ATP8B4: variants seen among roughly 807,000 people sequenced by gnomAD.
The protein encoded by ATP8B4 is probable phospholipid-transporting ATPase IM.
ATP8B4 carries 133 observed loss-of-function variants against 145.6 expected under a neutral mutation model. The observed-to-expected ratio is 0.91, with a 90% CI of 0.79 to 1.05. The LOEUF (loss-of-function observed/expected upper bound fraction) is 1.05, where lower values mean the gene tolerates loss of function less well. Among genes scored for constraint, ATP8B4 ranks in the 50% least tolerant of loss-of-function variants. The probability of loss-of-function intolerance (pLI) is 0.00; values close to 1 mark genes in which losing one functional copy is unlikely to be tolerated. For missense variants in ATP8B4, 1,458 were observed against 1,425.2 expected, an observed-to-expected ratio of 1.02 and a Z score of -0.37; for synonymous variants, 507 against 492.9, an observed-to-expected ratio of 1.03 and a Z score of -0.38.
At chr15:50,152,934 T>G (rs1225492676) in intron 1 of ATP8B4, among the ~76,000 whole-genome samples, 5 of 152,252 alleles carry the variant, frequency 3.3e-5, no homozygotes, top group Non-Finnish European at 5.9e-5. Flanking sequence ...TGTGATTGCT[T>G]CTTCTTCTGG....
intron 6 of ATP8B4, among the ~76,000 whole-genome samples, chr15:50,021,412 C>T (rs1370218006): frequency 6.6e-6 from 1 of 152,196 alleles, no homozygotes; most frequent in Non-Finnish European, 1.5e-5. Context: ...ATCACTACCT[C>T]TAGGAATTGG....
chr15:49,901,720 A>G, intron 20 of ATP8B4: 1 of 374,962 alleles, frequency 2.7e-6, no homozygotes, highest in Non-Finnish European at 5.1e-6. Context: ...GATCCAGCTT[A>G]AAATAGTCCT....
intron 2 of ATP8B4, among the ~76,000 whole-genome samples, chr15:50,083,756 C>G (rs1286353137): frequency 6.6e-6 from 1 of 152,190 alleles, no homozygotes; most frequent in Non-Finnish European, 1.5e-5. Flanking sequence ...TGCATCTCAG[C>G]TCCCTGAATC....
chr15:49,921,975 T>G (rs2153456120), intron 17 of ATP8B4, among the ~76,000 whole-genome samples: 1 of 152,326 alleles, frequency 6.6e-6, no homozygotes, highest in Middle Eastern at 3.4e-3. Flanking sequence ...GCATTACCAC[T>G]GCCTTCCTCT....
Position 49,897,373 on chromosome 15 carries a change from G to T in ATP8B4, c.2616C>A (p.Phe872Leu), listed in dbSNP as rs1427862685. 3.7e-6 allele frequency: 6 copies of T among 1,613,928 alleles called. No homozygotes were observed. Among genetic ancestry groups the T allele is most frequent in the Non-Finnish European group, 4.2e-6 (5 of 1,179,874 alleles). ...AATTCTTATAGAAGAAATAGCATAA[G>T]AATTTGCACATTCGGAAATAAGACC... ...GRWSYFRMCK[F>L]LCYFFYKNFA... The change falls in exon 23 of 28, where the codon TTC becomes TTA. Residue 872 changes from phenylalanine (F) to leucine (L), a missense_variant. By Grantham distance (22) the Phe-to-Leu change is conservative. Coordinates refer to ENST00000284509, the MANE Select transcript of ATP8B4 (RefSeq NM_024837.4).
At chr15:49,990,322 G>C (rs2046953452) in intron 9 of ATP8B4, among the ~76,000 whole-genome samples, 1 of 152,178 alleles carries the variant, frequency 6.6e-6, no homozygotes, top group East Asian at 1.9e-4. Flanking sequence ...TGAGGAAACA[G>C]TTAAGGAAAA....
At chr15:50,159,902 T>C (rs982327819) in intron 1 of ATP8B4, among the ~76,000 whole-genome samples, 2 of 151,946 alleles carry the variant, frequency 1.3e-5, no homozygotes, top group Non-Finnish European at 2.9e-5. Context: ...ATTACTGGCC[T>C]CCTAGAATGA....
chr15:49,862,337 GC>G lies in ATP8B4; in HGVS notation c.3204del (p.Trp1068CysfsTer3), dbSNP rs1199469028. ...GCCACTGTTGTTAAGAGAATTACAA[GC>G]CAGATGCACTTCTGGGTCAGGGAAT... ...ARHSLTQKCI[W>X]LVILLTTVAS... On this transcript the variant is annotated frameshift_variant, in exon 27 of 28. Coordinates refer to ENST00000284509, the MANE Select transcript of ATP8B4 (RefSeq NM_024837.4). LOFTEE classifies it high-confidence loss of function. 2.5e-6 allele frequency: 4 copies of G among 1,613,632 alleles called. No homozygotes were observed. Among genetic ancestry groups the G allele is most frequent in the Non-Finnish European group, 3.4e-6 (4 of 1,179,726 alleles).
At chr15:49,974,459 G>A (rs1287212146) in intron 12 of ATP8B4, among the ~76,000 whole-genome samples, 1 of 150,622 alleles carries the variant, frequency 6.6e-6, no homozygotes. Context: ...AAATTCCTGA[G>A]CTCAAGCGAT....
At chr15:50,156,574 AG>A (rs2044423767) in intron 1 of ATP8B4, among the ~76,000 whole-genome samples, 2 of 152,180 alleles carry the variant, frequency 1.3e-5, no homozygotes, top group Admixed American at 6.5e-5. Flanking sequence ...AGCAGATTCA[AG>A]GTAGGCAAAA....
intron 1 of ATP8B4, among the ~76,000 whole-genome samples, chr15:50,161,361 A>T (rs1276884696): frequency 6.6e-6 from 1 of 151,982 alleles, no homozygotes; most frequent in Non-Finnish European, 1.5e-5. Flanking sequence ...TAGTCCATTT[A>T]TATTCAATGT....
intron 14 of ATP8B4, among the ~76,000 whole-genome samples, chr15:49,959,103 T>A (rs1036584861): frequency 2.6e-5 from 4 of 151,930 alleles, no homozygotes; most frequent in African/African-American, 9.7e-5. Flanking sequence ...AGTAGCATAT[T>A]AAAAAACAGT....
At chr15:49,898,312 C>G in intron 21 of ATP8B4, 61 bp from the exon 22 acceptor site, 1 of 1,502,818 alleles carries the variant, frequency 6.7e-7, no homozygotes, top group Non-Finnish European at 9.1e-7. Flanking sequence ...GGTTGAGAAA[C>G]AAGACAAATG....
At position 49,987,425 on chromosome 15, in the gene ATP8B4, A is replaced by G; in HGVS notation, c.714T>C (p.Asn238=). 1 of 1,613,834 alleles carries G rather than the reference A, an allele frequency of 6.2e-7. No homozygotes were observed. The highest frequency in any genetic ancestry group is 8.5e-7 in the Non-Finnish European group (1 of 1,179,794). Residue 238 remains asparagine, a synonymous_variant, in exon 10 of 28, where the codon AAT becomes AAC. Coordinates refer to ENST00000284509, the MANE Select transcript of ATP8B4 (RefSeq NM_024837.4). ...TAACCATTCCAAAACACCAGCTGGT[A>G]TTTCTCAGGATGCAGCCTCTCAGGA... is the stretch of plus-strand genomic sequence containing the variant. ...KIILRGCILR[N]TSWCFGMVIF... is the part of the protein sequence containing the mutation.
At chr15:50,024,032 T>A (rs1467032576) in intron 6 of ATP8B4, among the ~76,000 whole-genome samples, 1 of 152,132 alleles carries the variant, frequency 6.6e-6, no homozygotes, top group East Asian at 1.9e-4. Flanking sequence ...TTTAAAAATA[T>A]TAACATATTA....
chr15:49,974,396 C>CT (rs2045482614), intron 12 of ATP8B4, among the ~76,000 whole-genome samples: 1 of 107,160 alleles, frequency 9.3e-6, no homozygotes, highest in Non-Finnish European at 1.7e-5. Context: ...AGCCACTTGT[C>CT]CTTTTTTTTT....
At chr15:49,883,122 G>A (rs2035679200) in intron 23 of ATP8B4, 1 of 151,066 alleles carries the variant, frequency 6.6e-6, no homozygotes, top group Non-Finnish European at 1.5e-5. Context: ...GTGAAGCCAA[G>A]ATTGGGAATT....
intron 26 of ATP8B4, among the ~76,000 whole-genome samples, chr15:49,864,818 C>T (rs545725536): frequency 2.6e-5 from 4 of 152,090 alleles, no homozygotes; most frequent in African/African-American, 4.8e-5. Context: ...ATGCTAAGTG[C>T]TTTATATGTA....
At chr15:50,110,222 A>C (rs2056872768) in intron 1 of ATP8B4, among the ~76,000 whole-genome samples, 1 of 152,224 alleles carries the variant, frequency 6.6e-6, no homozygotes, top group African/African-American at 2.4e-5. Flanking sequence ...TGTCACTCTA[A>C]AACATAAAGT....
Sources: allele counts gnomAD v4.1 joint callset (sites outside exome capture counted in the v4.1 genomes callset), GRCh38; gene constraint gnomAD v4.1.1; transcripts MANE v1.5; gene names NCBI Gene and HGNC (gene_info 2026-07-23, HGNC 2026-07-21).